Variants in ADAMTS6 observed in about 807,000 individuals in gnomAD.
ADAMTS6 encodes the protein ADAM metallopeptidase with thrombospondin type 1 motif 6.
ADAMTS6 carries 23 observed loss-of-function variants against 144.3 expected under a neutral mutation model. The ratio of observed to expected loss-of-function variants is 0.16; its 90% CI spans 0.11 to 0.23. The LOEUF (loss-of-function observed/expected upper bound fraction) is 0.23. ADAMTS6 is among the 10% of genes least tolerant of loss of function. ADAMTS6 has a pLI of 1.00. For synonymous variants in ADAMTS6, 444 were observed against 457.5 expected, an observed-to-expected ratio of 0.97 and a Z score of 0.38; for missense variants, 999 against 1,379.6, an observed-to-expected ratio of 0.72 and a Z score of 4.37.
rs1580375793 is a variant in ADAMTS6 at position 65,317,557 on chromosome 5, T to C, written c.1223+11821A>G. On this transcript the variant is annotated intron_variant, in intron 9 of 24. Transcript: ENST00000381055. Reference sequence around the variant, plus strand: ...GCAACCAAAGCAAAAAATGGACAAATGGGATCACATCAAGTTAAAAAGCTT... The same window carrying C: ...GCAACCAAAGCAAAAAATGGACAAACGGGATCACATCAAGTTAAAAAGCTT... 3.9e-5 allele frequency among the ~76,000 whole-genome samples: 6 copies of C among 152,094 alleles called. No homozygotes were observed. The South Asian group carries it at 1.2e-3, about 32-fold the overall frequency.
In ADAMTS6 at chr5:65,213,608, T is replaced by C. The variant is rs181650099; in HGVS notation, c.2575+1186A>G. On this transcript the variant is annotated intron_variant, in intron 20 of 24. Coordinates refer to ENST00000381055, the MANE Select transcript of ADAMTS6 (RefSeq NM_197941.4). The stretch of plus-strand genomic sequence containing the variant: ...CATGATCGTGTCACTGCACTCCAGC[T>C]TGGGCAACAGAGCAAAAACCTGTCT... Among the ~76,000 whole-genome samples, 4 of 151,808 alleles carry C rather than the reference T, an allele frequency of 2.6e-5. No homozygotes were observed. In the East Asian group the frequency reaches 7.7e-4, roughly 29 times the overall value.
chr5:65,344,268 T>C (rs1041164633), intron 7 of ADAMTS6, among the ~76,000 whole-genome samples: 3 of 151,966 alleles, frequency 2.0e-5, no homozygotes, highest in Non-Finnish European at 4.4e-5. Context: ...CTCTGGGCCT[T>C]TCTTCATTAC....
intron 22 of ADAMTS6, among the ~76,000 whole-genome samples, chr5:65,174,006 G>A (rs538220548): frequency 7.7e-6 from 1 of 129,564 alleles, no homozygotes; most frequent in Non-Finnish European, 1.6e-5. Context: ...TAGAGACAGA[G>A]CAAGATTCTG....
intron 15 of ADAMTS6, among the ~76,000 whole-genome samples, chr5:65,227,192 A>T (rs1288792076): frequency 6.6e-6 from 1 of 152,200 alleles, no homozygotes; most frequent in South Asian, 2.1e-4. Flanking sequence ...ATTATATTTG[A>T]ATAATTAAAA....
intron 7 of ADAMTS6, among the ~76,000 whole-genome samples, chr5:65,424,559 C>T (rs1399479918): frequency 3.3e-5 from 5 of 152,098 alleles, no homozygotes; most frequent in African/African-American, 7.2e-5. Context: ...TTCGGGGTGG[C>T]GTCATTTCCA....
intron 7 of ADAMTS6, among the ~76,000 whole-genome samples, chr5:65,407,936 C>T (rs954891870): frequency 6.6e-6 from 1 of 152,124 alleles, no homozygotes; most frequent in Non-Finnish European, 1.5e-5. Context: ...CCTTTACAGA[C>T]AAGCAAATGC....
At chr5:65,409,782 C>G (rs565396720) in intron 7 of ADAMTS6, among the ~76,000 whole-genome samples, 1 of 152,302 alleles carries the variant, frequency 6.6e-6, no homozygotes, top group East Asian at 1.9e-4. Context: ...AGCAGCACAT[C>G]AAAAAGTTTA....
chr5:65,313,178 C>CAG (rs1470152366), intron 9 of ADAMTS6, among the ~76,000 whole-genome samples: 2 of 144,074 alleles, frequency 1.4e-5, no homozygotes, highest in South Asian at 2.2e-4. Flanking sequence ...CACACACACA[C>CAG]AGAGTTTATT....
At position 65,430,794 on chromosome 5, in the gene ADAMTS6, T is replaced by C. The variant is rs113221254; in HGVS notation, c.1073+20681A>G. Among the ~76,000 whole-genome samples the C allele has an allele frequency of 2.1e-3, 317 of 152,310 alleles. 3 individuals carry two copies. The highest frequency in any genetic ancestry group is 7.3e-3 in the African/African-American group (304 of 41,566). ...CCCATCTCATTTACACATGTTTTTT[T>C]CTTTGCTTAGAACACATGCCATTGT... On this transcript the variant is annotated intron_variant, in intron 7 of 24. Coordinates refer to ENST00000381055, the MANE Select transcript of ADAMTS6 (RefSeq NM_197941.4).
chr5:65,342,749 G>C (rs950466115), intron 7 of ADAMTS6, among the ~76,000 whole-genome samples: 2 of 152,142 alleles, frequency 1.3e-5, no homozygotes, highest in Non-Finnish European at 2.9e-5. Context: ...AAATTGGAAA[G>C]AGGATGTCAA....
At chr5:65,407,546 T>A (rs1263990841) in intron 7 of ADAMTS6, among the ~76,000 whole-genome samples, 1 of 136,434 alleles carries the variant, frequency 7.3e-6, no homozygotes, top group Non-Finnish European at 1.6e-5. Context: ...TGTCCATGTG[T>A]TCTCATTGTC....
chr5:65,472,586 T>C (rs750063579), intron 2 of ADAMTS6, among the ~76,000 whole-genome samples: 1 of 152,166 alleles, frequency 6.6e-6, no homozygotes, highest in Non-Finnish European at 1.5e-5. Context: ...TTAGATGTAC[T>C]AAACATTTTC....
Position 65,215,046 on chromosome 5 carries a change from T to C in ADAMTS6, c.2437-114A>G. 3 of 1,338,666 alleles carry C rather than the reference T, an allele frequency of 2.2e-6. No individual in the cohort carries two copies. The South Asian group carries it at 4.4e-5, about 20-fold the overall frequency. The allele number at this position is 1,338,666 out of a possible 1,614,324, so 82.9% of individuals were successfully genotyped here. A position where few individuals can be genotyped will look rare whatever the true frequency, so the allele number is the denominator to read the frequency against. ...AAAACAAGTCTTACAGGAAACTTAA[T>C]ATAAAACACATGCATTTATATCAAA... On this transcript the variant is annotated intron_variant, in intron 19 of 24. Transcript: ENST00000381055.
chr5:65,244,149 A>G (rs1323474846), intron 14 of ADAMTS6, among the ~76,000 whole-genome samples: 1 of 152,140 alleles, frequency 6.6e-6, no homozygotes, highest in African/African-American at 2.4e-5. Context: ...TAAGAAAGAA[A>G]AAGGACTCGT....
At chr5:65,446,309 T>G (rs763365920) in intron 7 of ADAMTS6, among the ~76,000 whole-genome samples, 3 of 152,194 alleles carry the variant, frequency 2.0e-5, no homozygotes, top group Non-Finnish European at 2.9e-5. Context: ...AAGCCAAATT[T>G]TAACAATAAA....
chr5:65,441,224 T>C (rs992337580), intron 7 of ADAMTS6, among the ~76,000 whole-genome samples: 1 of 152,136 alleles, frequency 6.6e-6, no homozygotes, highest in African/African-American at 2.4e-5. Context: ...ACCAGACTGA[T>C]GGATTACTCA....
chr5:65,272,886 A>G (rs1762161068), intron 12 of ADAMTS6, among the ~76,000 whole-genome samples: 1 of 151,606 alleles, frequency 6.6e-6, no homozygotes. Flanking sequence ...GTACCCCTGC[A>G]CTACAGCCTG....
intron 20 of ADAMTS6, among the ~76,000 whole-genome samples, chr5:65,206,820 T>C (rs1471597656): frequency 3.9e-5 from 4 of 102,328 alleles, no homozygotes; most frequent in Admixed American, 3.0e-4. Flanking sequence ...CTGTTTTTTT[T>C]CTCTCTCTCT....
Position 65,421,732 on chromosome 5 carries a change from T to C in ADAMTS6, c.1073+29743A>G, listed in dbSNP as rs143447400. On this transcript the variant is annotated intron_variant, in intron 7 of 24. Transcript: ENST00000381055. The stretch of plus-strand genomic sequence containing the variant: ...TCAACAAAGCATATGATAACATAAA[T>C]GGTGCTTGGAAAACTGGATAGCCAC... 2.5e-3 allele frequency among the ~76,000 whole-genome samples: 384 copies of C among 152,278 alleles called. 3 individuals are homozygous for C. The highest frequency in any genetic ancestry group is 8.9e-3 in the African/African-American group (372 of 41,574).
Sources: gnomAD v4.1 joint callset for allele counts (sites outside exome capture counted in the v4.1 genomes callset) on GRCh38, gnomAD v4.1.1 for gene constraint, MANE v1.5 for transcripts, NCBI Gene and HGNC (gene_info 2026-07-23, HGNC 2026-07-21) for gene names.